UST: variants seen among roughly 807,000 people sequenced by gnomAD.
UST encodes uronyl 2-sulfotransferase.
In UST, 21 loss-of-function variants were observed where a neutral mutation model predicts 45.6. The ratio of observed to expected loss-of-function variants is 0.46; its 90% CI spans 0.33 to 0.66. The LOEUF (loss-of-function observed/expected upper bound fraction) is 0.66. Ranked by LOEUF, UST falls within the 30% of genes least tolerant of loss-of-function variation. The pLI is 0.02. For missense variants in UST, 463 were observed against 512.4 expected (o/e 0.90, Z 0.93); for synonymous variants, 215 against 200.6 (o/e 1.07, Z -0.61).
At chr6:148,822,545 A>G (rs1777487524) in intron 1 of UST, among the ~76,000 whole-genome samples, 1 of 152,224 alleles carries the variant, frequency 6.6e-6, no homozygotes, top group Non-Finnish European at 1.5e-5. Context: ...TGAGAGAGAG[A>G]GAATATAGTA....
At chr6:148,784,445 T>C (rs1434959664) in intron 1 of UST, among the ~76,000 whole-genome samples, 1 of 152,136 alleles carries the variant, frequency 6.6e-6, no homozygotes, top group Non-Finnish European at 1.5e-5. Context: ...CCATCTCAAA[T>C]CCTCTCAAGT....
At chr6:148,993,697 C>T (rs1384322598) in intron 5 of UST, among the ~76,000 whole-genome samples, 2 of 152,166 alleles carry the variant, frequency 1.3e-5, no homozygotes, top group Non-Finnish European at 2.9e-5. Flanking sequence ...TGGTGCTGAC[C>T]TCATGATAGT....
intron 1 of UST, among the ~76,000 whole-genome samples, chr6:148,873,935 C>T (rs896092125): frequency 6.6e-6 from 1 of 152,204 alleles, no homozygotes; most frequent in African/African-American, 2.4e-5. Context: ...AGGGGTGCTT[C>T]GTGCAATAAG....
intron 2 of UST, among the ~76,000 whole-genome samples, chr6:148,918,006 G>A (rs954422729): frequency 6.6e-6 from 1 of 152,156 alleles, no homozygotes; most frequent in Non-Finnish European, 1.5e-5. Context: ...GTCCCGGGTG[G>A]CTGCAAACCA....
At chr6:148,960,165 T>C (rs762603855) in intron 4 of UST, among the ~76,000 whole-genome samples, 5 of 152,120 alleles carry the variant, frequency 3.3e-5, no homozygotes, top group Admixed American at 6.6e-5. Flanking sequence ...GATGGGCGCC[T>C]GTAATCCCAA....
At chr6:149,035,947 C>T (rs1216048379) in intron 7 of UST, among the ~76,000 whole-genome samples, 1 of 152,074 alleles carries the variant, frequency 6.6e-6, no homozygotes, top group Non-Finnish European at 1.5e-5. Flanking sequence ...GAAAAATTAT[C>T]CAAACATCTG....
At chr6:149,024,629 A>T (rs1465598987) in intron 7 of UST, among the ~76,000 whole-genome samples, 1 of 152,168 alleles carries the variant, frequency 6.6e-6, no homozygotes, top group Non-Finnish European at 1.5e-5. Flanking sequence ...TCATCACCAC[A>T]ACTGAGTTGG....
At chr6:149,018,981 A>G (rs561876466) in intron 5 of UST, among the ~76,000 whole-genome samples, 158 bp from the exon 6 acceptor site, 9 of 152,286 alleles carry the variant, frequency 5.9e-5, no homozygotes, top group African/African-American at 2.2e-4. Context: ...GGATGCTGGG[A>G]GGCAAAAAAT....
intron 1 of UST, among the ~76,000 whole-genome samples, chr6:148,858,732 G>A (rs778989061): frequency 6.6e-6 from 1 of 152,214 alleles, no homozygotes; most frequent in Non-Finnish European, 1.5e-5. Context: ...CCACCTATGA[G>A]TGAGAACATG....
In UST at chr6:148,811,405, C is replaced by CA. The variant is rs1168242954; in HGVS notation, c.247+63734dup. Among the ~76,000 whole-genome samples the CA allele has an allele frequency of 5.3e-5, 8 of 152,152 alleles. No homozygotes were observed. The East Asian group carries it at 9.7e-4, about 18-fold the overall frequency. On this transcript the variant is annotated intron_variant, in intron 1 of 7. Coordinates refer to ENST00000367463, the MANE Select transcript of UST (RefSeq NM_005715.3). ...GCAAGCCACAAGTCTAGCCCAGATTCAAAAAATGAGGAAAGAGACTCTGCT... is the reference window on the plus strand; with the variant it reads ...GCAAGCCACAAGTCTAGCCCAGATTCAAAAAAATGAGGAAAGAGACTCTGCT...
rs984888276 is a variant in UST, at chr6:148,790,115, C to T, written c.247+42438C>T. On this transcript the variant is annotated intron_variant, in intron 1 of 7. Transcript: ENST00000367463. The surrounding 1 kb of genome is among the most constrained non-coding windows in gnomAD (Gnocchi z 4.2). ...ATTGCTATCGTAGTTATCCTTGCAGCGGTGTCAGACTTTAGCTGCTTCCTG... is the reference window on the plus strand; with the variant it reads ...ATTGCTATCGTAGTTATCCTTGCAGTGGTGTCAGACTTTAGCTGCTTCCTG... Among the ~76,000 whole-genome samples the T allele has an allele frequency of 6.6e-6, 1 of 151,576 alleles. No individual in the cohort carries two copies. The highest frequency in any genetic ancestry group is 2.4e-5 in the African/African-American group (1 of 41,202).
chr6:148,802,632 T>G (rs2114719212), intron 1 of UST, among the ~76,000 whole-genome samples: 1 of 152,320 alleles, frequency 6.6e-6, no homozygotes, highest in East Asian at 1.9e-4. Flanking sequence ...TCTTGGCTCT[T>G]AACTACAGCC....
At chr6:148,946,337 C>T (rs951940188) in intron 3 of UST, among the ~76,000 whole-genome samples, 1 of 151,674 alleles carries the variant, frequency 6.6e-6, no homozygotes, top group African/African-American at 2.4e-5. Flanking sequence ...ATGGTGAAAC[C>T]CTGTCTCTAC....
intron 1 of UST, among the ~76,000 whole-genome samples, chr6:148,786,332 C>T (rs1776735098): frequency 6.6e-6 from 1 of 152,124 alleles, no homozygotes; most frequent in African/African-American, 2.4e-5. Flanking sequence ...CATCCCATCA[C>T]CCAGGTATTA....
In UST at chr6:149,075,213, G is replaced by A. The variant is rs569026452; in HGVS notation, c.*1097G>A. The A allele has an allele frequency of 1.3e-5, 2 of 152,292 alleles. No homozygotes were observed. The highest frequency in any genetic ancestry group is 4.2e-4 in the South Asian group (2 of 4,810). 9.4% of individuals were successfully genotyped at this position (152,292 alleles called of 1,614,324 possible). A position where few individuals can be genotyped will look rare whatever the true frequency, so the allele number is the denominator to read the frequency against. ...TTCTGAGCCTGACCACAGATGGTGT[G>A]TAATCTATCAAACACACCCCTGGCC... is the stretch of plus-strand genomic sequence containing the variant. On this transcript the variant is annotated 3_prime_UTR_variant, in exon 8 of 8. Transcript: ENST00000367463.
At chr6:149,012,909 A>G (rs1017049007) in intron 5 of UST, among the ~76,000 whole-genome samples, 1 of 152,226 alleles carries the variant, frequency 6.6e-6, no homozygotes, top group Non-Finnish European at 1.5e-5. Flanking sequence ...AAGATGGCAT[A>G]ATCTTAACAG....
chr6:148,864,461 C>T (rs760567362), intron 1 of UST, among the ~76,000 whole-genome samples: 3 of 152,218 alleles, frequency 2.0e-5, no homozygotes, highest in Non-Finnish European at 2.9e-5. Context: ...CCGGGTGAGG[C>T]GATGCCCCGC....
At chr6:148,935,619 A>G (rs1780009535) in intron 2 of UST, among the ~76,000 whole-genome samples, 1 of 152,170 alleles carries the variant, frequency 6.6e-6, no homozygotes, top group African/African-American at 2.4e-5. Flanking sequence ...AGACATTCCA[A>G]ATATACTTAG....
chr6:148,967,872 G>T (rs1780833851), intron 5 of UST, among the ~76,000 whole-genome samples: 1 of 152,232 alleles, frequency 6.6e-6, no homozygotes, highest in African/African-American at 2.4e-5. Context: ...GCTGGGAGTG[G>T]CCAGTGCCTG....
Sources: allele counts gnomAD v4.1 joint callset (sites outside exome capture counted in the v4.1 genomes callset), GRCh38; gene constraint gnomAD v4.1.1; non-coding constraint Gnocchi (gnomAD v3.1); transcripts MANE v1.5; gene names NCBI Gene and HGNC (gene_info 2026-07-23, HGNC 2026-07-21).